The following GNL3L variants were observed in gnomAD, a reference collection of about 807,000 sequenced individuals.
GNL3L encodes G protein nucleolar 3 like.
Under a neutral mutation model 42.9 loss-of-function variants are expected in GNL3L, and 4 were observed. The observed-to-expected ratio is 0.09, with a 90% CI of 0.05 to 0.21. The LOEUF is 0.21. Among genes scored for constraint, GNL3L ranks in the 10% least tolerant of loss-of-function variants. GNL3L has a pLI of 1.00. For missense variants in GNL3L, 412 were observed against 481.7 expected (o/e 0.86, Z 1.36); for synonymous variants, 159 against 176.3 (o/e 0.90, Z 0.78).
In GNL3L at chrX:54,550,823, G is replaced by A. The variant is rs1025015792; in HGVS notation, c.776-140G>A. ...TAGGGGCTTTGTCAGGGCCTGGGGT[G>A]GGAAGGGAGGAGGTCAGGCTCAATT... On this transcript the variant is annotated intron_variant, in intron 9 of 15. Transcript: ENST00000360845. 16 of 446,842 alleles carry A rather than the reference G, an allele frequency of 3.6e-5. No individual in the cohort carries two copies. In the African/African-American group the frequency reaches 3.7e-4, roughly 10 times the overall value. The allele number at this position is 446,842 out of a possible 1,213,427, so 36.8% of individuals were successfully genotyped here.
intron 16 of GNL3L, among the ~76,000 whole-genome samples, chrX:54,594,933 C>T (rs1925915194): frequency 9.0e-6 from 1 of 111,651 alleles, no homozygotes; most frequent in Admixed American, 9.5e-5. Context: ...ACTTTGTCTC[C>T]CTGCTTTATA....
intron 16 of GNL3L, among the ~76,000 whole-genome samples, chrX:54,607,082 C>CTTCCTTCTTTCTTTCTTTCT (rs1926098288): frequency 4.6e-5 from 1 of 21,976 alleles, no homozygotes; most frequent in Non-Finnish European, 1.1e-4. Context: ...CTCTTTCTTT[C>CTTCCTTCTTTCTTTCTTTCT]TTCTTTCTTT....
At chrX:54,544,594 A>G (rs12392453) in intron 8 of GNL3L, among the ~76,000 whole-genome samples, 16,586 of 106,677 alleles carry the variant, frequency 0.16, 2,146 homozygotes, top group African/African-American at 0.42. Flanking sequence ...CTCAGCCTCC[A>G]AAGTAGCTGG....
At chrX:54,602,586 C>T (rs1926016264) in intron 16 of GNL3L, among the ~76,000 whole-genome samples, 1 of 111,390 alleles carries the variant, frequency 9.0e-6, no homozygotes, top group African/African-American at 3.3e-5. Context: ...AATATGACAA[C>T]AGTGATGGGA....
Position 54,544,281 on chromosome X carries a change from A to G in GNL3L, c.585A>G (p.Pro195=), listed in dbSNP as rs1019761939. The G allele has an allele frequency of 5.0e-6, 6 of 1,195,871 alleles. No homozygotes were observed. The highest frequency in any genetic ancestry group is 6.8e-6 in the Non-Finnish European group (6 of 881,747). Residue 195 remains proline (P), a synonymous_variant, in exon 8 of 16, where the codon CCA becomes CCG. Transcript: ENST00000360845. ...TGGATTACCTTCGGAATGAGTTGCCAACCGTGGCTTTCAAGGCCAGTACCC... is the reference window on the plus strand; with the variant it reads ...TGGATTACCTTCGGAATGAGTTGCCGACCGTGGCTTTCAAGGCCAGTACCC... ...KWLDYLRNEL[P]TVAFKASTQH...
intron 5 of GNL3L, 120 bp downstream of exon 5, chrX:54,541,509 A>G (rs1471646410): frequency 2.3e-6 from 1 of 426,534 alleles, no homozygotes; most frequent in Non-Finnish European, 4.2e-6. Flanking sequence ...TGTAGAGAGG[A>G]TAGAAAACCA....
chrX:54,591,579 C>A lies in GNL3L; in HGVS notation c.*46-29266C>A, dbSNP rs777119037. On this transcript the variant is annotated intron_variant, in intron 16 of 16. Coordinates refer to the GNL3L transcript ENST00000674498. ...CTGCACTCCAGCCTGGGTGACAGAG[C>A]GAGACTTTGTCTCAAAAAAAAAAAA... is the stretch of plus-strand genomic sequence containing the variant. Among the ~76,000 whole-genome samples, 174 of 99,090 alleles carry A rather than the reference C, an allele frequency of 1.8e-3. 1 individual carries two copies. The highest frequency in any genetic ancestry group is 5.8e-3 in the African/African-American group (152 of 26,414). The allele number at this position is 99,090 out of a possible 115,157, so 86.0% of individuals were successfully genotyped here. A position where few individuals can be genotyped will look rare whatever the true frequency, so the allele number is the denominator to read the frequency against.
intron 16 of GNL3L, among the ~76,000 whole-genome samples, chrX:54,616,641 A>G (rs1265777314): frequency 8.9e-6 from 1 of 112,034 alleles, no homozygotes; most frequent in African/African-American, 3.2e-5. Context: ...TATTTTGATA[A>G]TAAACTGGAT....
chrX:54,549,612 T>A (rs1278597584), intron 9 of GNL3L, among the ~76,000 whole-genome samples: 1 of 112,250 alleles, frequency 8.9e-6, no homozygotes, highest in Non-Finnish European at 1.9e-5. Context: ...GGCAGGAGAA[T>A]CGCTTAAATC....
chrX:54,607,072 CTCTTTCTT>C lies in GNL3L; in HGVS notation c.*46-13768_*46-13761del, dbSNP rs1353090651. 2.2e-4 allele frequency among the ~76,000 whole-genome samples: 5 copies of C among 22,831 alleles called. 1 individual carries two copies. Among genetic ancestry groups the C allele is most frequent in the African/African-American group, 7.8e-4 (5 of 6,396 alleles). The allele number at this position is 22,831 out of a possible 115,157, so 19.8% of individuals were successfully genotyped here. A position where few individuals can be genotyped will look rare whatever the true frequency, so the allele number is the denominator to read the frequency against. The stretch of plus-strand genomic sequence containing the variant: ...TCTTTCTTTCTTTCTTTCTTTCTTT[CTCTTTCTT>C]TCTTCTTTCTTTCTTTCTTTCTTTC... On this transcript the variant is annotated intron_variant, in intron 16 of 16. Coordinates refer to the GNL3L transcript ENST00000674498.
intron 16 of GNL3L, among the ~76,000 whole-genome samples, chrX:54,587,654 G>A (rs1423140938): frequency 1.8e-5 from 2 of 109,549 alleles, no homozygotes; most frequent in East Asian, 5.6e-4. Flanking sequence ...GTCAATTTTT[G>A]GAACAATTGT....
chrX:54,552,006 C>T, intron 12 of GNL3L, 32 bp downstream of exon 12: 1 of 1,188,928 alleles, frequency 8.4e-7, no homozygotes. Flanking sequence ...AGGGTGAGGC[C>T]CGCTGGCAGC....
chrX:54,567,646 CAAA>C (rs773348759), downstream of GNL3L, among the ~76,000 whole-genome samples: 2 of 76,459 alleles, frequency 2.6e-5, no homozygotes, highest in Non-Finnish European at 2.6e-5. Flanking sequence ...AACTCCATCT[CAAA>C]AAAAAAAAAA....
intron 16 of GNL3L, among the ~76,000 whole-genome samples, chrX:54,587,797 C>T (rs1925806455): frequency 9.1e-6 from 1 of 110,250 alleles, no homozygotes; most frequent in Non-Finnish European, 1.9e-5. Context: ...TCTCCTGCCT[C>T]ACCCTCCCGA....
At chrX:54,536,462 A>C (rs1924427172) in intron 2 of GNL3L, among the ~76,000 whole-genome samples, 1 of 109,920 alleles carries the variant, frequency 9.1e-6, no homozygotes, top group Non-Finnish European at 1.9e-5. Context: ...TTCTGATTTA[A>C]TTTTTATTTT....
At position 54,572,692 on chromosome X, in the gene GNL3L, C is replaced by T. The variant is rs769727979; in HGVS notation, c.*45+12045C>T. On this transcript the variant is annotated intron_variant, in intron 16 of 16. Coordinates refer to the GNL3L transcript ENST00000674498. ...CTGGCCTGGCGGGGGGCTGACCCCC[C>T]CCACCTCCCTCCCGGACAGGGTAGC... 1.1e-4 allele frequency among the ~76,000 whole-genome samples: 12 copies of T among 110,055 alleles called. No homozygotes were observed. In the East Asian group the frequency reaches 3.5e-3, roughly 32 times the overall value.
intron 16 of GNL3L, among the ~76,000 whole-genome samples, chrX:54,579,982 G>GTTTTTTTTT (rs1158646056): frequency 1.8e-5 from 1 of 54,820 alleles, no homozygotes; most frequent in African/African-American, 1.7e-4. Flanking sequence ...CTGGCCTAAA[G>GTTTTTTTTT]TTTGTTTTTT....
chrX:54,634,875 T>C, the GNL3L span, among the ~76,000 whole-genome samples: 4 of 99,390 alleles, frequency 4.0e-5, no homozygotes, highest in East Asian at 3.3e-4. Context: ...CTACAACCTC[T>C]GCCTCCTGGG....
intron 16 of GNL3L, among the ~76,000 whole-genome samples, chrX:54,605,455 C>T (rs1926048298): frequency 9.0e-6 from 1 of 111,251 alleles, no homozygotes; most frequent in Non-Finnish European, 1.9e-5. Flanking sequence ...CAAACTTGGC[C>T]CCATCTTCGG....
Sources: allele counts gnomAD v4.1 joint callset (sites outside exome capture counted in the v4.1 genomes callset), GRCh38; gene constraint gnomAD v4.1.1; transcripts MANE v1.5; gene names NCBI Gene and HGNC (gene_info 2026-07-23, HGNC 2026-07-21).